Variants in SLF2 observed in about 807,000 individuals in gnomAD.
SLF2 encodes SMC5/6 complex localization factor 2.
In SLF2, 68 loss-of-function variants were observed where a neutral mutation model predicts 124.3. That is an observed-to-expected ratio of 0.55 (90% CI 0.45 to 0.67). The LOEUF is 0.67. Among genes scored for constraint, SLF2 ranks in the 30% least tolerant of loss-of-function variants. The probability of loss-of-function intolerance (pLI) is 0.00; values close to 1 mark genes in which losing one functional copy is unlikely to be tolerated. For missense variants in SLF2, 1,246 were observed against 1,373.7 expected (o/e 0.91, Z 1.47); for synonymous variants, 480 against 478.8 (o/e 1.00, Z -0.03).
Position 100,963,445 on chromosome 10 carries a change from A to C in SLF2, c.*1533A>C, listed in dbSNP as rs1299770858. 1 of 152,586 alleles carries C rather than the reference A, an allele frequency of 6.6e-6. No homozygotes were observed. Among genetic ancestry groups the C allele is most frequent in the Non-Finnish European group, 1.5e-5 (1 of 68,040 alleles). 9.5% of individuals were successfully genotyped at this position (152,586 alleles called of 1,614,324 possible). On this transcript the variant is annotated 3_prime_UTR_variant, in exon 20 of 20. Coordinates refer to ENST00000238961, the MANE Select transcript of SLF2 (RefSeq NM_018121.4). ...ACAAAAGTTTTATTCTGTGTTGTTT[A>C]CTGGTAAGAATATTATTATCTTGAT...
chr10:100,944,636 G>T (rs1343792553), intron 12 of SLF2, among the ~76,000 whole-genome samples: 2 of 152,066 alleles, frequency 1.3e-5, no homozygotes, highest in Admixed American at 6.5e-5. Flanking sequence ...AGAACTTTAA[G>T]TCAGTTACAT....
At chr10:100,943,490 TG>T (rs1406430365) in intron 11 of SLF2, among the ~76,000 whole-genome samples, 1 of 152,258 alleles carries the variant, frequency 6.6e-6, no homozygotes, top group African/African-American at 2.4e-5. Flanking sequence ...AAATTAAAAA[TG>T]TTATCTATCT....
chr10:100,961,140 G>T (rs1850420906), intron 19 of SLF2, among the ~76,000 whole-genome samples: 1 of 149,412 alleles, frequency 6.7e-6, no homozygotes, highest in Admixed American at 6.8e-5. Flanking sequence ...CTCCTCAGTA[G>T]CTGGGATTAC....
At chr10:100,940,681 C>T (rs959330908) in intron 11 of SLF2, among the ~76,000 whole-genome samples, 6 of 151,378 alleles carry the variant, frequency 4.0e-5, no homozygotes, top group Admixed American at 2.0e-4. Context: ...TAAGATACAA[C>T]CCCACTCACT....
At position 100,929,971 on chromosome 10, in the gene SLF2, A is replaced by C. The variant is rs150795530; in HGVS notation, c.2307A>C (p.Gln769His). ...LDLRDSGFIG[Q>H]SAVEKLILKS... Reference sequence around the variant, plus strand: ...TAAGAGACTCTGGTTTTATTGGACAAAGTGCTGTAGAAAAACTTATTCTTA... The same window carrying C: ...TAAGAGACTCTGGTTTTATTGGACACAGTGCTGTAGAAAAACTTATTCTTA... The change falls in exon 8 of 20, where the codon CAA becomes CAC. Residue 769 changes from glutamine to histidine, a missense_variant. Physicochemically the swap from Gln to His is conservative, Grantham distance 24. Around this residue, in one of 3 missense-constraint regions of SLF2, gnomAD observed 535 missense variants for 632.8 expected, o/e 0.85. Transcript: ENST00000238961. 23 of 1,545,580 alleles carry C rather than the reference A, an allele frequency of 1.5e-5. No homozygotes were observed. The East Asian group carries it at 5.1e-4, about 34-fold the overall frequency.
chr10:100,929,151 G>A (rs1354972399), intron 6 of SLF2, among the ~76,000 whole-genome samples, 166 bp from the exon 7 acceptor site: 3 of 152,130 alleles, frequency 2.0e-5, no homozygotes, highest in Non-Finnish European at 4.4e-5. Flanking sequence ...AAAATTGTAC[G>A]TCGTGATGTA....
intron 17 of SLF2, among the ~76,000 whole-genome samples, chr10:100,953,649 A>C (rs1377214618): frequency 6.6e-6 from 1 of 151,146 alleles, no homozygotes. Flanking sequence ...TTTCCTCTTT[A>C]AAAAAAAATT....
chr10:100,952,953 G>GT (rs1026851731), intron 17 of SLF2, among the ~76,000 whole-genome samples: 9 of 152,040 alleles, frequency 5.9e-5, no homozygotes, highest in Non-Finnish European at 1.0e-4. Context: ...AACAAAAAGT[G>GT]TTTGCTCTTC....
intron 6 of SLF2, among the ~76,000 whole-genome samples, chr10:100,928,080 AGAG>A (rs1564774122): frequency 4.1e-5 from 1 of 24,542 alleles, no homozygotes; most frequent in Non-Finnish European, 1.3e-4. Context: ...AGAGAGAGAC[AGAG>A]AGAGAGAGAG....
chr10:100,925,535 T>C (rs1849597200), intron 5 of SLF2, among the ~76,000 whole-genome samples: 1 of 152,258 alleles, frequency 6.6e-6, no homozygotes, highest in Admixed American at 6.5e-5. Flanking sequence ...TATAAAGTGC[T>C]TCATTCTATC....
chr10:100,917,103 C>T lies in SLF2; in HGVS notation c.718C>T (p.Leu240=). The T allele has an allele frequency of 6.2e-7, 1 of 1,614,160 alleles. No homozygotes were observed. The highest frequency in any genetic ancestry group is 2.2e-5 in the East Asian group (1 of 44,888). ...ACTGGGAGCTAAATTCCAGTTGTCA[C>T]TAGCTTCTTACTGCAGAGAACGAGA... ...SPLGAKFQLS[L]ASYCRERELK... Residue 240 remains leucine, a synonymous_variant, in exon 3 of 20, where the codon CTA becomes TTA. Transcript: ENST00000238961.
At chr10:100,935,728 G>T (rs1849835251) in intron 9 of SLF2, among the ~76,000 whole-genome samples, 1 of 151,818 alleles carries the variant, frequency 6.6e-6, no homozygotes, top group Non-Finnish European at 1.5e-5. Flanking sequence ...ATGTAAAAAG[G>T]CATTACAGGC....
chr10:100,952,604 A>G (rs1414538190), intron 17 of SLF2, among the ~76,000 whole-genome samples: 1 of 151,904 alleles, frequency 6.6e-6, no homozygotes, highest in Non-Finnish European at 1.5e-5. Flanking sequence ...GAAAAGACAC[A>G]AGACTAATTC....
chr10:100,936,972 C>G (rs1252479914), intron 9 of SLF2, among the ~76,000 whole-genome samples: 4 of 152,090 alleles, frequency 2.6e-5, no homozygotes, highest in Non-Finnish European at 2.9e-5. Flanking sequence ...TATTTAATCT[C>G]TCTGAACCTA....
Position 100,950,088 on chromosome 10 carries a change from C to T in SLF2, c.3133C>T (p.His1045Tyr), listed in dbSNP as rs747194169. 2 of 1,610,986 alleles carry T rather than the reference C, an allele frequency of 1.2e-6. No individual in the cohort carries two copies. The highest frequency in any genetic ancestry group is 1.1e-5 in the South Asian group (1 of 90,382). ...TTTCTTTTGATAGGTATCAGTCCTACATCGCTATCTTGTGCAGATGAAGCC... is the reference window on the plus strand; with the variant it reads ...TTTCTTTTGATAGGTATCAGTCCTATATCGCTATCTTGTGCAGATGAAGCC... ...NASNLQVSVLHRYLVQMKPSD... is the reference protein window; with the variant it reads ...NASNLQVSVLYRYLVQMKPSD... Residue 1045 changes from histidine (H) to tyrosine (Y), a missense_variant, in exon 16 of 20, where the codon CAT (histidine) becomes TAT (tyrosine). Around this residue, in one of 3 missense-constraint regions of SLF2, gnomAD observed 535 missense variants for 632.8 expected, o/e 0.85. Transcript: ENST00000238961.
intron 15 of SLF2, among the ~76,000 whole-genome samples, chr10:100,948,207 C>T (rs754459684): frequency 1.3e-5 from 2 of 152,204 alleles, no homozygotes; most frequent in African/African-American, 4.8e-5. Context: ...TTGCAAAACC[C>T]TTGTACATTG....
At chr10:100,956,406 T>C (rs1405695772) in intron 17 of SLF2, 45 bp from the exon 18 acceptor site, 3 of 1,360,062 alleles carry the variant, frequency 2.2e-6, no homozygotes, top group Non-Finnish European at 2.1e-6. Context: ...TGTTAATTTG[T>C]AATGCTTCAG....
intron 17 of SLF2, among the ~76,000 whole-genome samples, chr10:100,953,700 T>C (rs913540396): frequency 6.6e-6 from 1 of 152,060 alleles, no homozygotes; most frequent in Non-Finnish European, 1.5e-5. Context: ...TCACCCAGGC[T>C]GAAGTGCAGT....
rs188903859 is a variant in SLF2, at chr10:100,916,165, T to C, written c.184+123T>C. ...GTAGTGTTCAAAATTGAAAATAAAA[T>C]GAAGATGCAGTATTTTGTTTTACAA... On this transcript the variant is annotated intron_variant, in intron 2 of 19. Coordinates refer to ENST00000238961, the MANE Select transcript of SLF2 (RefSeq NM_018121.4). 48 of 683,634 alleles carry C rather than the reference T, an allele frequency of 7.0e-5. No individual in the cohort carries two copies. The African/African-American group carries it at 7.2e-4, about 10-fold the overall frequency. 42.3% of individuals were successfully genotyped at this position (683,634 alleles called of 1,614,324 possible). A position where few individuals can be genotyped will look rare whatever the true frequency, so the allele number is the denominator to read the frequency against.
Sources: gnomAD v4.1 joint callset for allele counts (sites outside exome capture counted in the v4.1 genomes callset) on GRCh38, gnomAD v4.1.1 for gene constraint, gnomAD v4.1.1 regional missense constraint, MANE v1.5 for transcripts, NCBI Gene and HGNC (gene_info 2026-07-23, HGNC 2026-07-21) for gene names.